The following FHL1 variants were observed in gnomAD, a reference collection of about 807,000 sequenced individuals.
FHL1 encodes the protein four and a half LIM domains protein 1.
Under a neutral mutation model 20.3 loss-of-function variants are expected in FHL1, and 1 was observed. The ratio of observed to expected loss-of-function variants is 0.05; its 90% CI spans 0.02 to 0.23. FHL1 has a LOEUF of 0.23. Ranked by LOEUF, FHL1 falls within the 10% of genes least tolerant of loss-of-function variation. The pLI, the probability that FHL1 is intolerant of heterozygous loss-of-function variation, is 1.00. For synonymous variants in FHL1, 82 were observed against 88.9 expected (o/e 0.92, Z 0.44); for missense variants, 177 against 234.0 (o/e 0.76, Z 1.59).
At chrX:136,203,773 T>A (rs2073773971) in intron 1 of FHL1, among the ~76,000 whole-genome samples, 1 of 112,167 alleles carries the variant, frequency 8.9e-6, no homozygotes, top group African/African-American at 3.2e-5. Flanking sequence ...TAATGCAGTT[T>A]TCCTTCTCTT....
chrX:136,152,346 A>G (rs147130686), intron 1 of FHL1, among the ~76,000 whole-genome samples: 439 of 112,299 alleles, frequency 3.9e-3, no homozygotes, highest in African/African-American at 0.014. Flanking sequence ...CCCACAACCA[A>G]GCCACTCTTT....
intron 1 of FHL1, 187 bp from the exon 2 acceptor site, chrX:136,206,220 C>T: frequency 1.9e-6 from 1 of 529,632 alleles, no homozygotes; most frequent in Non-Finnish European, 3.2e-6. Flanking sequence ...GCTTTTGTTC[C>T]TGGAATCATA....
At chrX:136,156,749 T>C (rs988739847) in intron 1 of FHL1, among the ~76,000 whole-genome samples, 3 of 112,142 alleles carry the variant, frequency 2.7e-5, no homozygotes, top group Non-Finnish European at 5.6e-5. Flanking sequence ...TCACTCACTT[T>C]TAGTTTTAGA....
chrX:136,210,414 A>G lies in FHL1; in HGVS notation c.*389A>G, dbSNP rs1379872987. ...GCCTCAGCTGGGACCCACCGTGTAG[A>G]CACACGACATGCAAGAGTTGCAGCG... On this transcript the variant is annotated 3_prime_UTR_variant, in exon 6 of 6. Transcript: ENST00000370683. The G allele has an allele frequency of 2.5e-6, 1 of 395,486 alleles. No homozygotes were observed. Among genetic ancestry groups the G allele is most frequent in the South Asian group, 2.6e-5 (1 of 39,009 alleles). The allele number at this position is 395,486 out of a possible 1,213,427, so 32.6% of individuals were successfully genotyped here.
chrX:136,197,079 T>TC lies in FHL1; in HGVS notation c.-33dup. The TC allele has an allele frequency of 8.3e-7, 1 of 1,203,474 alleles. No homozygotes were observed. Among genetic ancestry groups the TC allele is most frequent in the Non-Finnish European group, 1.1e-6 (1 of 889,211 alleles). ...TCAGCTGGGGTTGAGGGAAGACTGG[T>TC]CTAGGTGCTGCTCCTGAACTTGGTC... On this transcript the variant is annotated 5_prime_UTR_variant, in exon 1 of 6. Coordinates refer to ENST00000370683, the MANE Select transcript of FHL1 (RefSeq NM_001159699.2).
intron 1 of FHL1, among the ~76,000 whole-genome samples, chrX:136,150,393 T>C (rs1318385577): frequency 9.0e-6 from 1 of 111,672 alleles, no homozygotes; most frequent in African/African-American, 3.3e-5. Context: ...GCCAGCAACA[T>C]TGGCTTTTAT....
Position 136,208,493 on chromosome X carries a change from C to G in FHL1, c.588C>G (p.Pro196=), listed in dbSNP as rs2073911028. 2 of 1,210,064 alleles carry G rather than the reference C, an allele frequency of 1.7e-6. No individual in the cohort carries two copies. The highest frequency in any genetic ancestry group is 2.2e-6 in the Non-Finnish European group (2 of 895,207). Residue 196 remains proline, a synonymous_variant, in exon 5 of 6, where the codon CCC becomes CCG. Transcript: ENST00000370683. ...GAGGAATCACTTACCAGGATCAGCCCTGGCATGCCGATTGCTTTGTGTGTG... is the reference window on the plus strand; with the variant it reads ...GAGGAATCACTTACCAGGATCAGCCGTGGCATGCCGATTGCTTTGTGTGTG... The part of the protein sequence containing the change: ...TSGGITYQDQ[P]WHADCFVCVT...
upstream of FHL1, among the ~76,000 whole-genome samples, chrX:136,166,477 C>T (rs1171972969): frequency 1.8e-5 from 2 of 111,617 alleles, no homozygotes; most frequent in African/African-American, 6.5e-5. Context: ...AGACACTTTC[C>T]CTGCCCCTTC....
chrX:136,192,831 AAC>A (rs991848412), upstream of FHL1, among the ~76,000 whole-genome samples: 9 of 111,981 alleles, frequency 8.0e-5, no homozygotes, highest in African/African-American at 2.9e-4. Context: ...GATTGACAGG[AAC>A]ATGAGATGGC....
At chrX:136,207,766 G>A in intron 3 of FHL1, 26 bp from the exon 4 acceptor site, 1 of 1,210,483 alleles carries the variant, frequency 8.3e-7, no homozygotes, top group East Asian at 3.0e-5. Flanking sequence ...CTGTCAGTGG[G>A]GCTATCCAAT....
At chrX:136,175,549 AAAAG>A (rs200266433) in intron 2 of FHL1, among the ~76,000 whole-genome samples, 3,447 of 112,551 alleles carry the variant, frequency 0.031, 62 homozygotes, top group Middle Eastern at 0.11. Context: ...TGTGAGGACA[AAAAG>A]AAAGAATTTA....
chrX:136,196,987 G>A, upstream of FHL1: 1 of 1,026,394 alleles, frequency 9.7e-7, no homozygotes, highest in Non-Finnish European at 1.4e-6. Flanking sequence ...TGGGACATCT[G>A]CTCTCGGTTA....
intron 2 of FHL1, among the ~76,000 whole-genome samples, chrX:136,186,881 TAGATAG>T (rs1333812117): frequency 0.023 from 137 of 5,975 alleles, 4 homozygotes; most frequent in East Asian, 0.14. Flanking sequence ...TATATATATA[TAGATAG>T]ATAGATAGAT....
At chrX:136,153,835 T>G (rs1045234557) in intron 1 of FHL1, among the ~76,000 whole-genome samples, 1 of 111,644 alleles carries the variant, frequency 9.0e-6, no homozygotes, top group African/African-American at 3.3e-5. Context: ...TATTTTTTTT[T>G]AAATGACTAG....
At chrX:136,171,835 A>G (rs1055683826) in intron 2 of FHL1, among the ~76,000 whole-genome samples, 2 of 111,269 alleles carry the variant, frequency 1.8e-5, no homozygotes, top group Non-Finnish European at 3.8e-5. Context: ...TGTCAGTTGA[A>G]TAGAATCTGC....
chrX:136,170,550 A>G (rs967693553), intron 2 of FHL1, among the ~76,000 whole-genome samples: 5 of 111,517 alleles, frequency 4.5e-5, no homozygotes, highest in African/African-American at 1.6e-4. Context: ...CAGTGTAAGA[A>G]TGCTTATACT....
In FHL1 at chrX:136,207,176, A is replaced by G. The variant is rs777634473; in HGVS notation, c.365A>G (p.Lys122Arg). The change falls in exon 3 of 6, where the codon AAG becomes AGG. Residue 122 changes from lysine (K) to arginine (R), a missense_variant. Lys to Arg is a conservative substitution (Grantham distance 26). Transcript: ENST00000370683. ...TCCCCCAAGTGCAAGGGGTGCTTCA[A>G]GGCCATTGTGGCAGGTACTGCCTCC... ...EDSPKCKGCFKAIVAGDQNVE... is the reference protein window; with the variant it reads ...EDSPKCKGCFRAIVAGDQNVE... 1 of 1,204,956 alleles carries G rather than the reference A, an allele frequency of 8.3e-7. No homozygotes were observed. Among genetic ancestry groups the G allele is most frequent in the Non-Finnish European group, 1.1e-6 (1 of 890,402 alleles).
chrX:136,191,685 C>T (rs1325951394), intron 2 of FHL1, among the ~76,000 whole-genome samples: 1 of 112,281 alleles, frequency 8.9e-6, no homozygotes, highest in African/African-American at 3.2e-5. Context: ...TGTTACTAGC[C>T]TTGATGTTTC....
intron 1 of FHL1, among the ~76,000 whole-genome samples, chrX:136,200,840 T>C (rs914253028): frequency 8.9e-6 from 1 of 111,860 alleles, no homozygotes; most frequent in African/African-American, 3.3e-5. Context: ...AGGCAACTTT[T>C]AGAGCAGGAG....
Sources: allele counts gnomAD v4.1 joint callset (sites outside exome capture counted in the v4.1 genomes callset), GRCh38; gene constraint gnomAD v4.1.1; transcripts MANE v1.5; gene names NCBI Gene and HGNC (gene_info 2026-07-23, HGNC 2026-07-21).